TNFSF4: variants seen among roughly 807,000 people sequenced by gnomAD.
The protein encoded by TNFSF4 is tumor necrosis factor ligand superfamily member 4.
A neutral mutation model predicts 7.3 loss-of-function variants in TNFSF4; 4 were observed. That is an observed-to-expected ratio of 0.55 (90% confidence interval 0.27 to 1.25). The LOEUF (loss-of-function observed/expected upper bound fraction) is 1.25, where lower values mean the gene tolerates loss of function less well. Among genes scored for constraint, TNFSF4 ranks in the 50% most tolerant of loss-of-function variants. TNFSF4 has a pLI of 0.12. For missense variants in TNFSF4, 181 were observed against 208.8 expected, an observed-to-expected ratio of 0.87 and a Z score of 0.82; for synonymous variants, 76 against 83.7, an observed-to-expected ratio of 0.91 and a Z score of 0.50.
At chr1:173,201,026 T>C (rs924490563) in intron 1 of TNFSF4, among the ~76,000 whole-genome samples, 1 of 152,334 alleles carries the variant, frequency 6.6e-6, no homozygotes, top group South Asian at 2.1e-4. Flanking sequence ...TATTCCCCAA[T>C]GTTTCTAGAT....
chr1:173,438,538 G>A, the TNFSF4 span, among the ~76,000 whole-genome samples: 1 of 151,624 alleles, frequency 6.6e-6, no homozygotes, highest in Non-Finnish European at 1.5e-5. Flanking sequence ...TCTATACTTC[G>A]ACTTACCAAG....
At chr1:173,323,640 G>C in the TNFSF4 span, among the ~76,000 whole-genome samples, 2 of 152,256 alleles carry the variant, frequency 1.3e-5, no homozygotes, top group South Asian at 4.2e-4. Flanking sequence ...TGGATAACTA[G>C]AATAACCAAT....
At chr1:173,305,086 T>C in the TNFSF4 span, among the ~76,000 whole-genome samples, 3 of 151,910 alleles carry the variant, frequency 2.0e-5, no homozygotes, top group Admixed American at 6.6e-5. Flanking sequence ...CCATAGGCCA[T>C]AGAATTGGGA....
the TNFSF4 span, among the ~76,000 whole-genome samples, chr1:173,223,572 C>T: frequency 2.0e-5 from 3 of 152,058 alleles, no homozygotes; most frequent in African/African-American, 7.2e-5. Context: ...CTGGAAGAGA[C>T]GAATCAGTGA....
the TNFSF4 span, among the ~76,000 whole-genome samples, chr1:173,355,821 T>G: frequency 2.6e-5 from 4 of 152,252 alleles, no homozygotes; most frequent in Non-Finnish European, 4.4e-5. Flanking sequence ...GCAGGAGACC[T>G]GCTACAGGGA....
At chr1:173,223,770 G>T in the TNFSF4 span, among the ~76,000 whole-genome samples, 1 of 152,104 alleles carries the variant, frequency 6.6e-6, no homozygotes, top group Non-Finnish European at 1.5e-5. Flanking sequence ...CAATTCAAAC[G>T]AGTAGGAAAG....
chr1:173,422,049 A>T, the TNFSF4 span, among the ~76,000 whole-genome samples: 2 of 152,242 alleles, frequency 1.3e-5, no homozygotes, highest in African/African-American at 4.8e-5. Flanking sequence ...GCTATACGAG[A>T]ACACCTCTCC....
At chr1:173,400,415 A>T in the TNFSF4 span, among the ~76,000 whole-genome samples, 2 of 152,166 alleles carry the variant, frequency 1.3e-5, no homozygotes, top group Non-Finnish European at 2.9e-5. Context: ...GTCACCTCTT[A>T]CTGTTACTCC....
At chr1:173,230,152 A>C in the TNFSF4 span, among the ~76,000 whole-genome samples, 8 of 152,268 alleles carry the variant, frequency 5.3e-5, no homozygotes, top group South Asian at 1.7e-3. Flanking sequence ...ACCACACCAC[A>C]CTTATTCCAA....
the TNFSF4 span, among the ~76,000 whole-genome samples, chr1:173,281,086 T>C: frequency 1.3e-5 from 2 of 152,168 alleles, no homozygotes; most frequent in Admixed American, 6.5e-5. Context: ...AATCCTGTTG[T>C]GGTTCATAAG....
At chr1:173,293,468 C>T in the TNFSF4 span, among the ~76,000 whole-genome samples, 2 of 152,120 alleles carry the variant, frequency 1.3e-5, no homozygotes, top group South Asian at 4.1e-4. Context: ...AAAATCAACC[C>T]AAGATAAATT....
chr1:173,231,673 G>A, the TNFSF4 span, among the ~76,000 whole-genome samples: 1 of 152,076 alleles, frequency 6.6e-6, no homozygotes, highest in African/African-American at 2.4e-5. Context: ...AAGTCAAATT[G>A]TCCCTCTTTG....
the TNFSF4 span, among the ~76,000 whole-genome samples, chr1:173,415,144 C>A: frequency 6.6e-6 from 1 of 152,182 alleles, no homozygotes; most frequent in Non-Finnish European, 1.5e-5. Context: ...ATAATCTTGA[C>A]CCTTACTGCA....
chr1:173,405,654 C>G, the TNFSF4 span, among the ~76,000 whole-genome samples: 1 of 152,124 alleles, frequency 6.6e-6, no homozygotes, highest in South Asian at 2.1e-4. Flanking sequence ...GGTTTATTCA[C>G]TGTCTGAATC....
Position 173,183,782 on chromosome 1 carries a change from A to AT in TNFSF4, c.*2733dup, listed in dbSNP as rs1649107145. 1 of 152,188 alleles carries AT rather than the reference A, an allele frequency of 6.6e-6. No individual in the cohort carries two copies. The highest frequency in any genetic ancestry group is 1.5e-5 in the Non-Finnish European group (1 of 68,048). 9.4% of individuals were successfully genotyped at this position (152,188 alleles called of 1,614,324 possible). The stretch of plus-strand genomic sequence containing the variant: ...TTTCCATGTAAATAGCAATATTACT[A>AT]TTAACTATATTATTAATATCAATAT... On this transcript the variant is annotated 3_prime_UTR_variant, in exon 3 of 3. Coordinates refer to ENST00000281834, the MANE Select transcript of TNFSF4 (RefSeq NM_003326.5).
chr1:173,375,096 C>T, the TNFSF4 span, among the ~76,000 whole-genome samples: 1 of 152,332 alleles, frequency 6.6e-6, no homozygotes, highest in South Asian at 2.1e-4. Flanking sequence ...GGCTTCTCCC[C>T]TTTCTAGGTC....
At chr1:173,203,075 A>G (rs1175314299) in intron 1 of TNFSF4, among the ~76,000 whole-genome samples, 1 of 152,146 alleles carries the variant, frequency 6.6e-6, no homozygotes, top group Non-Finnish European at 1.5e-5. Flanking sequence ...ATGGATGTTT[A>G]TATCGCCAGT....
the TNFSF4 span, among the ~76,000 whole-genome samples, chr1:173,333,055 C>T: frequency 2.6e-5 from 4 of 152,116 alleles, no homozygotes; most frequent in Non-Finnish European, 2.9e-5. Context: ...TGCGATATCA[C>T]GCAGTGGCCA....
At chr1:173,344,344 A>G in the TNFSF4 span, among the ~76,000 whole-genome samples, 1 of 152,218 alleles carries the variant, frequency 6.6e-6, no homozygotes, top group Admixed American at 6.5e-5. Flanking sequence ...AGAATCTTCA[A>G]TTCCAACTCT....
Sources: gnomAD v4.1 joint callset for allele counts (sites outside exome capture counted in the v4.1 genomes callset) on GRCh38, gnomAD v4.1.1 for gene constraint, MANE v1.5 for transcripts, NCBI Gene and HGNC (gene_info 2026-07-23, HGNC 2026-07-21) for gene names.